UNKL: variants seen among roughly 807,000 people sequenced by gnomAD.
UNKL encodes the protein putative E3 ubiquitin-protein ligase UNKL.
UNKL carries 60 observed loss-of-function variants against 78.0 expected under a neutral mutation model. The ratio of observed to expected loss-of-function variants is 0.77; its 90% CI spans 0.63 to 0.95. The LOEUF is 0.95. Among genes scored for constraint, UNKL ranks in the 40% least tolerant of loss-of-function variants. The pLI, the probability that UNKL is intolerant of heterozygous loss-of-function variation, is 0.00. For missense variants in UNKL, 1,159 were observed against 1,045.7 expected, an observed-to-expected ratio of 1.11 and a Z score of -1.49; for synonymous variants, 608 against 474.8, an observed-to-expected ratio of 1.28 and a Z score of -3.65.
chr16:1,367,113 C>T lies in UNKL; in HGVS notation c.2025G>A (p.Leu675=), dbSNP rs1438161639. 4.4e-6 allele frequency: 7 copies of T among 1,582,012 alleles called. No homozygotes were observed. In the Admixed American group the frequency reaches 8.8e-5, roughly 20 times the overall value. The change falls in exon 14 of 15, where the codon CTG becomes CTA. Residue 675 remains leucine (L), a synonymous_variant. Coordinates refer to ENST00000389221, the MANE Select transcript of UNKL (RefSeq NM_001372107.1). ...KLHSLQSQLR[L]DLEAVDGVIF... is the part of the protein sequence containing the mutation. Reference sequence around the variant, plus strand: ...TCACGCCGTCCACCGCCTCCAGGTCCAGGCGCAGCTGACTCTGCAGCGAGT... The same window carrying T: ...TCACGCCGTCCACCGCCTCCAGGTCTAGGCGCAGCTGACTCTGCAGCGAGT...
In UNKL at chr16:1,399,377, T is replaced by C; in HGVS notation, c.731A>G (p.Tyr244Cys). The change falls in exon 5 of 15, where the codon TAC (tyrosine) becomes TGC (cysteine). Residue 244 changes from tyrosine to cysteine, a missense_variant. Transcript: ENST00000389221. This position sits in a 1 kb window ranked among gnomAD's most constrained non-coding sequence, Gnocchi z 5.8. The part of the protein sequence containing the change: ...DRRRNPRRFQ[Y>C]RSTPCPSVKH... ...GAGCACGGTCCCGCAGGCTCACCTGTACTGGAACCGCCGGGGGTTGCGCCG... is the reference window on the plus strand; with the variant it reads ...GAGCACGGTCCCGCAGGCTCACCTGCACTGGAACCGCCGGGGGTTGCGCCG... 1 of 1,595,146 alleles carries C rather than the reference T, an allele frequency of 6.3e-7. No homozygotes were observed. The highest frequency in any genetic ancestry group is 8.5e-7 in the Non-Finnish European group (1 of 1,170,038).
intron 4 of UNKL, among the ~76,000 whole-genome samples, chr16:1,400,287 G>A (rs1253909326): frequency 6.6e-6 from 1 of 151,038 alleles, no homozygotes; most frequent in Non-Finnish European, 1.5e-5. Context: ...GCATACTGGT[G>A]CCTGCCTGTA....
chr16:1,370,393 G>T, intron 11 of UNKL, 36 bp from the exon 12 acceptor site: 3 of 1,526,886 alleles, frequency 2.0e-6, no homozygotes, highest in Non-Finnish European at 2.6e-6. Flanking sequence ...AGGGAGTACC[G>T]CCAGGCCTCT....
At chr16:1,401,151 G>A (rs1374908533) in intron 4 of UNKL, among the ~76,000 whole-genome samples, 1 of 152,128 alleles carries the variant, frequency 6.6e-6, no homozygotes, top group Non-Finnish European at 1.5e-5. Context: ...CCACCCCAGA[G>A]AGGCGCAGGG....
chr16:1,370,165 G>A lies in UNKL; in HGVS notation c.1550C>T (p.Thr517Ile). 1 of 1,515,890 alleles carries A rather than the reference G, an allele frequency of 6.6e-7. No individual in the cohort carries two copies. Among genetic ancestry groups the A allele is most frequent in the Non-Finnish European group, 8.9e-7 (1 of 1,127,020 alleles). The allele number at this position is 1,515,890 out of a possible 1,614,324, so 93.9% of individuals were successfully genotyped here. The change falls in exon 12 of 15, where the codon ACA (threonine) becomes ATA (isoleucine). Residue 517 changes from threonine (T) to isoleucine (I), a missense_variant. Transcript: ENST00000389221. The stretch of plus-strand genomic sequence containing the variant: ...GTAGGATGAGGCTGCAGAGCCCAGT[G>A]TGCCCGGCTCTGAACGCAGGGGTGG... Reference protein sequence around the residue: ...QPPPLRSEPGTLGSAASSYSP... With the variant: ...QPPPLRSEPGILGSAASSYSP...
rs1030974554 is a variant in UNKL, at chr16:1,398,398, G to A, written c.734+976C>T. On this transcript the variant is annotated intron_variant, in intron 5 of 14. Coordinates refer to ENST00000389221, the MANE Select transcript of UNKL (RefSeq NM_001372107.1). Reference sequence around the variant, plus strand: ...ATAATTTTTATTTTCTTTCCATGACGGGCGATGACAAAATCTCAGACACTA... The same window carrying A: ...ATAATTTTTATTTTCTTTCCATGACAGGCGATGACAAAATCTCAGACACTA... The A allele has an allele frequency of 1.5e-5, 15 of 1,024,246 alleles. No homozygotes were observed. In the Admixed American group the frequency reaches 1.5e-4, roughly 10 times the overall value. 63.4% of individuals were successfully genotyped at this position (1,024,246 alleles called of 1,614,324 possible).
chr16:1,376,358 G>A (rs1454115869), intron 10 of UNKL, among the ~76,000 whole-genome samples: 1 of 130,388 alleles, frequency 7.7e-6, no homozygotes, highest in African/African-American at 3.0e-5. Context: ...TAGGGCTGGG[G>A]TGCTCCTCTT....
rs759764355 is a variant in UNKL, at chr16:1,367,646, A to C, written c.1788+10T>G. The C allele has an allele frequency of 9.4e-5, 115 of 1,219,660 alleles. No homozygotes were observed. The East Asian group carries it at 1.5e-3, about 16-fold the overall frequency. The allele number at this position is 1,219,660 out of a possible 1,614,324, so 75.6% of individuals were successfully genotyped here. ...TCCCCCTCACCTGTCTGGCCCCCCC[A>C]CACACTCACCTGCTTCACCTGCTGC... On this transcript the variant is annotated intron_variant, in intron 13 of 14. Transcript: ENST00000389221.
intron 2 of UNKL, among the ~76,000 whole-genome samples, chr16:1,406,678 G>A (rs1042402986): frequency 1.4e-4 from 22 of 152,106 alleles, no homozygotes; most frequent in South Asian, 8.3e-4. Flanking sequence ...GTCCCAGGCC[G>A]GCCGTGGGCT....
At chr16:1,388,166 C>T (rs1480354660) in intron 9 of UNKL, among the ~76,000 whole-genome samples, 1 of 152,126 alleles carries the variant, frequency 6.6e-6, no homozygotes, top group African/African-American at 2.4e-5. Context: ...AGGCCTGCCC[C>T]GCCCTGGGTC....
intron 9 of UNKL, among the ~76,000 whole-genome samples, chr16:1,385,664 G>A (rs2036785267): frequency 1.3e-5 from 2 of 152,232 alleles, no homozygotes; most frequent in African/African-American, 4.8e-5. Context: ...GTAGACATTT[G>A]CCAGTAAAAA....
intron 10 of UNKL, among the ~76,000 whole-genome samples, chr16:1,380,731 G>A (rs566551890): frequency 7.0e-4 from 101 of 145,172 alleles, no homozygotes; most frequent in African/African-American, 2.6e-3. Context: ...CTGGAGTGCA[G>A]TGGCACGATC....
chr16:1,401,785 T>A (rs1017583627), intron 3 of UNKL, 84 bp from the exon 4 acceptor site: 1 of 1,512,816 alleles, frequency 6.6e-7, no homozygotes, highest in Non-Finnish European at 8.9e-7. Context: ...CACGCTCCCC[T>A]CCCACCACTG....
rs1489066532 is a variant in UNKL, at chr16:1,366,216, A to T, written c.*24T>A. Reference sequence around the variant, plus strand: ...GAGCGCTGGAGCCAGGGTGCCCAGCAGGAGGTGGCTGTCCCCGCTGAGGTC... The same window carrying T: ...GAGCGCTGGAGCCAGGGTGCCCAGCTGGAGGTGGCTGTCCCCGCTGAGGTC... On this transcript the variant is annotated 3_prime_UTR_variant, in exon 15 of 15. Coordinates refer to ENST00000389221, the MANE Select transcript of UNKL (RefSeq NM_001372107.1). The T allele has an allele frequency of 1.3e-6, 2 of 1,497,122 alleles. No homozygotes were observed. Among genetic ancestry groups the T allele is most frequent in the East Asian group, 5.0e-5 (2 of 40,298 alleles). 92.7% of individuals were successfully genotyped at this position (1,497,122 alleles called of 1,614,324 possible).
rs1193481189 is a variant in UNKL, at chr16:1,399,450, A to C, written c.658T>G (p.Cys220Gly). The part of the protein sequence containing the change: ...TEQCPKPPRL[C>G]RQGYACPHYH... ...TGTGGGCACGCATAGCCCTGGCGGC[A>C]CAGGCGTGGCGGCTTCGGGCACTGC... is the stretch of plus-strand genomic sequence containing the variant. The change falls in exon 5 of 15, where the codon TGC becomes GGC. Residue 220 changes from cysteine to glycine, a missense_variant. Physicochemically the swap from Cys to Gly is radical, Grantham distance 159. Transcript: ENST00000389221. This position sits in a 1 kb window ranked among gnomAD's most constrained non-coding sequence, Gnocchi z 5.8. The C allele has an allele frequency of 1.2e-6, 2 of 1,604,778 alleles. No individual in the cohort carries two copies. Among genetic ancestry groups the C allele is most frequent in the African/African-American group, 2.7e-5 (2 of 74,730 alleles).
chr16:1,406,141 GGGCCCAGA>G, intron 2 of UNKL: 2 of 441,386 alleles, frequency 4.5e-6, no homozygotes, highest in East Asian at 7.1e-5. Context: ...CATAGGTGGG[GGGCCCAGA>G]GCACAGCACT....
intron 10 of UNKL, among the ~76,000 whole-genome samples, chr16:1,375,178 C>A (rs538831414): frequency 1.3e-5 from 2 of 152,220 alleles, no homozygotes; most frequent in Non-Finnish European, 2.9e-5. Context: ...GTGGCCCCAG[C>A]GGAGCACAGG....
intron 10 of UNKL, among the ~76,000 whole-genome samples, chr16:1,380,359 A>G (rs556609339): frequency 3.9e-5 from 6 of 152,190 alleles, no homozygotes; most frequent in Non-Finnish European, 8.8e-5. Context: ...ATACACACGC[A>G]GCCAGGCGGG....
At chr16:1,409,854 G>C (rs1471948802) in intron 2 of UNKL, among the ~76,000 whole-genome samples, 2 of 152,120 alleles carry the variant, frequency 1.3e-5, no homozygotes, top group African/African-American at 4.8e-5. Flanking sequence ...GCCAAGGCTA[G>C]CGGATCACCT....
Sources: allele counts gnomAD v4.1 joint callset (sites outside exome capture counted in the v4.1 genomes callset), GRCh38; gene constraint gnomAD v4.1.1; non-coding constraint Gnocchi (gnomAD v3.1); transcripts MANE v1.5; gene names NCBI Gene and HGNC (gene_info 2026-07-23, HGNC 2026-07-21).